The following VAC14 variants were observed in gnomAD, a reference collection of about 807,000 sequenced individuals.
VAC14 encodes VAC14 component of PIKFYVE complex.
In VAC14, 47 loss-of-function variants were observed where a neutral mutation model predicts 85.3. The ratio of observed to expected loss-of-function variants is 0.55; its 90% CI spans 0.44 to 0.70. The LOEUF is 0.70. VAC14 is among the 30% of genes least tolerant of loss of function. The pLI, the probability that VAC14 is intolerant of heterozygous loss-of-function variation, is 0.00. For missense variants in VAC14, 861 were observed against 1,004.3 expected (o/e 0.86, Z 1.93); for synonymous variants, 447 against 430.5 (o/e 1.04, Z -0.47).
chr16:70,747,455 AAT>A (rs2030995429), intron 12 of VAC14: 1 of 150,800 alleles, frequency 6.6e-6, no homozygotes, highest in Non-Finnish European at 1.5e-5. Flanking sequence ...TAAAGTATAC[AAT>A]AGAGTCGTTT....
At chr16:70,754,639 C>T (rs945849531) in intron 12 of VAC14, among the ~76,000 whole-genome samples, 2 of 152,126 alleles carry the variant, frequency 1.3e-5, no homozygotes, top group African/African-American at 2.4e-5. Flanking sequence ...AGAGGGTCCC[C>T]GGGCCATCAG....
chr16:70,688,113 C>A, intron 18 of VAC14, 23 bp from the exon 19 acceptor site: 1 of 1,526,598 alleles, frequency 6.6e-7, no homozygotes, highest in Non-Finnish European at 8.9e-7. Context: ...AGCAGAAATG[C>A]TCAGTGTCAG....
intron 18 of VAC14, chr16:70,689,323 C>T (rs375096144): frequency 2.0e-6 from 2 of 985,366 alleles, no homozygotes; most frequent in African/African-American, 1.7e-5. Context: ...GCCCCTCCAA[C>T]GTGAGGCCAG....
chr16:70,704,620 T>C (rs1017362456), intron 14 of VAC14, among the ~76,000 whole-genome samples: 2 of 152,088 alleles, frequency 1.3e-5, no homozygotes, highest in East Asian at 1.9e-4. Context: ...GAGCAGGGCA[T>C]GAGGAGGGCC....
At chr16:70,765,831 CA>C in intron 10 of VAC14, among the ~76,000 whole-genome samples, 1 of 152,216 alleles carries the variant, frequency 6.6e-6, no homozygotes, top group Non-Finnish European at 1.5e-5. Context: ...ACACATTTTT[CA>C]GTGTAATTTT....
intron 2 of VAC14, 26 bp from the exon 3 acceptor site, chr16:70,785,895 A>T (rs781497375): frequency 1.3e-6 from 2 of 1,590,328 alleles, no homozygotes; most frequent in Non-Finnish European, 1.7e-6. Context: ...AGGAGAAGAC[A>T]GATCAGAATG....
intron 14 of VAC14, among the ~76,000 whole-genome samples, chr16:70,721,202 C>G (rs1411010330): frequency 2.0e-5 from 3 of 152,136 alleles, no homozygotes; most frequent in Non-Finnish European, 4.4e-5. Context: ...GACAGGCCGG[C>G]ATGGTGGGGC....
At chr16:70,726,108 C>G (rs536541075) in intron 14 of VAC14, among the ~76,000 whole-genome samples, 2 of 152,382 alleles carry the variant, frequency 1.3e-5, no homozygotes, top group South Asian at 4.1e-4. Context: ...CGCTGGAGTT[C>G]ATATCACAGT....
At chr16:70,688,319 T>C (rs1400595358) in intron 18 of VAC14, 1 of 1,189,184 alleles carries the variant, frequency 8.4e-7, no homozygotes, top group Admixed American at 4.5e-5. Context: ...TGCTTGGCTA[T>C]TGCCCTCGGC....
At chr16:70,755,654 C>T (rs1439667229) in intron 12 of VAC14, among the ~76,000 whole-genome samples, 1 of 152,208 alleles carries the variant, frequency 6.6e-6, no homozygotes, top group Non-Finnish European at 1.5e-5. Flanking sequence ...TCAGCTGGGG[C>T]CCTCTCCTCC....
At chr16:70,702,211 A>G (rs1323826528) in intron 14 of VAC14, among the ~76,000 whole-genome samples, 1 of 151,798 alleles carries the variant, frequency 6.6e-6, no homozygotes, top group Non-Finnish European at 1.5e-5. Context: ...CTGATGTTAC[A>G]TTTTTGCCCT....
intron 18 of VAC14, chr16:70,690,896 G>T: frequency 1.0e-6 from 1 of 985,412 alleles, no homozygotes; most frequent in African/African-American, 1.7e-5. Flanking sequence ...TGAAGGCTAG[G>T]GGGTGTCTCA....
Position 70,785,770 on chromosome 16 carries a change from T to C in VAC14, c.355A>G (p.Asn119Asp). Residue 119 changes from asparagine to aspartate, a missense_variant, in exon 3 of 19, where the codon AAC (asparagine) becomes GAC (aspartate). By Grantham distance (23) the Asn-to-Asp change is conservative (BLOSUM62 1). Around this residue, in one of 3 missense-constraint regions of VAC14, gnomAD observed 629 missense variants for 703.1 expected, o/e 0.89. Transcript: ENST00000261776. ...LRYYACEALY[N>D]IVKVARGAVL... is the part of the protein sequence containing the mutation. ...GCGCCCCGGGCCACCTTGACGATGT[T>C]GTAGAGGGCCTCGCAGGCATAGTAG... The C allele has an allele frequency of 6.3e-7, 1 of 1,585,648 alleles. No individual in the cohort carries two copies. The highest frequency in any genetic ancestry group is 8.6e-7 in the Non-Finnish European group (1 of 1,164,410).
chr16:70,796,589 G>A (rs1040700808), intron 1 of VAC14, among the ~76,000 whole-genome samples: 5 of 152,180 alleles, frequency 3.3e-5, no homozygotes, highest in African/African-American at 1.2e-4. Flanking sequence ...TAACCTCAAG[G>A]AGCCTGTTTC....
chr16:70,786,038 TA>T, intron 2 of VAC14, 169 bp from the exon 3 acceptor site: 1 of 1,349,486 alleles, frequency 7.4e-7, no homozygotes, highest in Non-Finnish European at 1.0e-6. Flanking sequence ...GGCCCATGCC[TA>T]GGGGACCAGG....
At chr16:70,786,025 G>T (rs1457697271) in intron 2 of VAC14, 156 bp from the exon 3 acceptor site, 5 of 1,324,498 alleles carry the variant, frequency 3.8e-6, no homozygotes, top group Non-Finnish European at 5.1e-6. Flanking sequence ...ATTCCCAGGA[G>T]AGGGCCCATG....
chr16:70,796,900 G>A (rs1362927926), intron 1 of VAC14, among the ~76,000 whole-genome samples: 3 of 152,084 alleles, frequency 2.0e-5, no homozygotes, highest in Non-Finnish European at 2.9e-5. Context: ...CCTAAGGGTG[G>A]GGCCCTTGAT....
chr16:70,767,884 AATT>A (rs147141610), intron 10 of VAC14, among the ~76,000 whole-genome samples: 2 of 151,882 alleles, frequency 1.3e-5, no homozygotes, highest in South Asian at 2.1e-4. Context: ...AGCTTTTAAA[AATT>A]ATTATTATTA....
chr16:70,731,678 G>C lies in VAC14; in HGVS notation c.1529-51C>G, dbSNP rs1277756682. The C allele has an allele frequency of 4.0e-6, 6 of 1,502,294 alleles. No individual in the cohort carries two copies. In the African/African-American group the frequency reaches 5.9e-5, roughly 15 times the overall value. 93.1% of individuals were successfully genotyped at this position (1,502,294 alleles called of 1,614,324 possible). ...ATTTATTCTGATTATGTGTCCACAG[G>C]GTGATGAGATCCACACAGAATATAA... On this transcript the variant is annotated intron_variant, in intron 13 of 18. Coordinates refer to ENST00000261776, the MANE Select transcript of VAC14 (RefSeq NM_018052.5).
Sources: gnomAD v4.1 joint callset for allele counts (sites outside exome capture counted in the v4.1 genomes callset) on GRCh38, gnomAD v4.1.1 for gene constraint, gnomAD v4.1.1 regional missense constraint, MANE v1.5 for transcripts, NCBI Gene and HGNC (gene_info 2026-07-23, HGNC 2026-07-21) for gene names.